Variants in UGT1A3 observed in about 807,000 individuals in gnomAD.
UGT1A3 encodes UDP glucuronosyltransferase family 1 member A3, also known as UDP-glucuronosyltransferase 1A3.
In UGT1A3, 31 loss-of-function variants were observed where a neutral mutation model predicts 41.0. That is an observed-to-expected ratio of 0.76 (90% CI 0.57 to 1.02). The LOEUF is 1.02. UGT1A3 is among the 50% of genes least tolerant of loss of function. The pLI is 0.00. For missense variants in UGT1A3, 737 were observed against 671.0 expected, an observed-to-expected ratio of 1.10 and a Z score of -1.09; for synonymous variants, 262 against 257.6, an observed-to-expected ratio of 1.02 and a Z score of -0.17.
chr2:233,746,887 A>T (rs765200684), intron 1 of UGT1A3, among the ~76,000 whole-genome samples: 2 of 151,818 alleles, frequency 1.3e-5, no homozygotes, highest in African/African-American at 2.4e-5. Flanking sequence ...ACAGAGAAGT[A>T]GGAGGCTGTG....
At chr2:233,759,599 A>ACCCCCCCCCCCCCCCC (rs1553620419) in intron 1 of UGT1A3, among the ~76,000 whole-genome samples, 4 of 108,738 alleles carry the variant, frequency 3.7e-5, no homozygotes, top group East Asian at 3.1e-4. Flanking sequence ...CCCACCCCCG[A>ACCCCCCCCCCCCCCCC]CCCGCCCCAC....
intron 1 of UGT1A3, chr2:233,756,116 T>G (rs939719556): frequency 6.6e-6 from 1 of 152,230 alleles, no homozygotes; most frequent in Non-Finnish European, 1.5e-5. Flanking sequence ...AGTTTTGACT[T>G]TGTAAAATTC....
At position 233,767,018 on chromosome 2, in the gene UGT1A3, T is replaced by G. The variant is rs1699309557; in HGVS notation, c.868-16T>G. ...TATGAGAAAAAATTAACTGAAAATT[T>G]TTCTTCTGGCTCTAGGAATTTGAAG... On this transcript the variant is annotated splice_polypyrimidine_tract_variant and intron_variant, in intron 1 of 4. Coordinates refer to ENST00000482026, the MANE Select transcript of UGT1A3 (RefSeq NM_019093.4). 1 of 1,613,912 alleles carries G rather than the reference T, an allele frequency of 6.2e-7. No individual in the cohort carries two copies. Among genetic ancestry groups the G allele is most frequent in the East Asian group, 2.2e-5 (1 of 44,862 alleles).
intron 1 of UGT1A3, chr2:233,755,182 A>C (rs1337694117): frequency 1.7e-5 from 20 of 1,204,654 alleles, no homozygotes; most frequent in Non-Finnish European, 1.7e-5. Context: ...TCGGGGTGCC[A>C]CTTGAGCGCC....
At chr2:233,772,010 G>A (rs538941446) in intron 4 of UGT1A3, among the ~76,000 whole-genome samples, 1 of 152,306 alleles carries the variant, frequency 6.6e-6, no homozygotes, top group Admixed American at 6.5e-5. Flanking sequence ...CTACTCTGGA[G>A]GCTGAGGCAG....
rs61764030 is a variant in UGT1A3, at chr2:233,729,599, C to G, written c.473C>G (p.Ala158Gly). The G allele has an allele frequency of 1.0e-4, 161 of 1,613,870 alleles. No homozygotes were observed. The highest frequency in any genetic ancestry group is 2.2e-4 in the Admixed American group (13 of 60,000). ...VVLTDPVNLC[A>G]AVLAKYLSIP... The stretch of plus-strand genomic sequence containing the variant: ...TTAACAGACCCCGTTAACCTCTGCG[C>G]GGCAGTGCTGGCTAAGTACCTGTCG... Residue 158 changes from alanine to glycine, a missense_variant, in exon 1 of 5, where the codon GCG becomes GGG. By Grantham distance (60) the Ala-to-Gly change is moderately conservative. Transcript: ENST00000482026.
chr2:233,771,661 T>C (rs899762223), intron 4 of UGT1A3: 2 of 152,426 alleles, frequency 1.3e-5, no homozygotes, highest in African/African-American at 4.8e-5. Context: ...TAATGAAATT[T>C]CTCACAAAAT....
chr2:233,733,678 C>G (rs2078428487), intron 1 of UGT1A3, among the ~76,000 whole-genome samples: 1 of 152,188 alleles, frequency 6.6e-6, no homozygotes, highest in Non-Finnish European at 1.5e-5. Flanking sequence ...TGTGGATAAA[C>G]TTTTTGATGT....
At chr2:233,757,812 T>G (rs772268398) in intron 1 of UGT1A3, among the ~76,000 whole-genome samples, 1 of 151,794 alleles carries the variant, frequency 6.6e-6, no homozygotes, top group Non-Finnish European at 1.5e-5. Flanking sequence ...TGAAAGGAGC[T>G]GGTAGTGTGT....
intron 1 of UGT1A3, among the ~76,000 whole-genome samples, chr2:233,759,233 GA>G (rs1406502603): frequency 6.6e-6 from 1 of 152,188 alleles, no homozygotes; most frequent in Non-Finnish European, 1.5e-5. Flanking sequence ...ATGAAGGATG[GA>G]AACTTGCTTA....
At chr2:233,737,974 T>C (rs1690646890) in intron 1 of UGT1A3, among the ~76,000 whole-genome samples, 1 of 152,114 alleles carries the variant, frequency 6.6e-6, no homozygotes, top group South Asian at 2.1e-4. Flanking sequence ...CTAGATTTAA[T>C]ATGGTTTGGC....
chr2:233,745,589 C>T (rs984719632), intron 1 of UGT1A3, among the ~76,000 whole-genome samples: 4 of 151,622 alleles, frequency 2.6e-5, no homozygotes, highest in East Asian at 1.9e-4. Flanking sequence ...ACCTGAGACC[C>T]GGACTTGGCA....
intron 1 of UGT1A3, chr2:233,743,548 C>T (rs61744897): frequency 1.5e-6 from 2 of 1,367,296 alleles, no homozygotes; most frequent in Non-Finnish European, 2.0e-6. Flanking sequence ...CTGACCCCCC[C>T]AAAATATTCT....
intron 1 of UGT1A3, chr2:233,756,414 T>G (rs1696206608): frequency 6.6e-6 from 1 of 152,212 alleles, no homozygotes; most frequent in African/African-American, 2.4e-5. Flanking sequence ...ATTTGTATTA[T>G]TTGTACTGTT....
rs778641747 is a variant in UGT1A3 at position 233,768,443 on chromosome 2, A to G, written c.1307+4A>G. 8.1e-6 allele frequency: 13 copies of G among 1,613,284 alleles called. No homozygotes were observed. In the South Asian group the frequency reaches 1.4e-4, roughly 18 times the overall value. On this transcript the variant is annotated splice_donor_region_variant and intron_variant, in intron 4 of 4. Transcript: ENST00000482026. Reference sequence around the variant, plus strand: ...AAGCAGTCATCAATGACAAAAGGTAAGAAAGAAGATACAGAAGAATACTTT... The same window carrying G: ...AAGCAGTCATCAATGACAAAAGGTAGGAAAGAAGATACAGAAGAATACTTT...
chr2:233,754,185 C>T (rs1296616460), intron 1 of UGT1A3: 1 of 159,682 alleles, frequency 6.3e-6, no homozygotes, highest in Non-Finnish European at 1.4e-5. Flanking sequence ...GATTTCACCA[C>T]CACACAGTAA....
Position 233,729,858 on chromosome 2 carries a change from A to G in UGT1A3, c.732A>G (p.Ser244=), listed in dbSNP as rs1450945508. Residue 244 remains serine (S), a synonymous_variant, in exon 1 of 5, where the codon TCA becomes TCG. Transcript: ENST00000482026. ...LASELFQREV[S]VVDILSHASV... is the part of the protein sequence containing the mutation. ...CTGAGCTTTTTCAGAGAGAGGTGTC[A>G]GTGGTGGATATTCTCAGTCATGCAT... is the stretch of plus-strand genomic sequence containing the variant. The G allele has an allele frequency of 6.2e-7, 1 of 1,613,820 alleles. No homozygotes were observed.
intron 4 of UGT1A3, 146 bp from the exon 5 acceptor site, chr2:233,772,116 A>C (rs1430946734): frequency 1.3e-6 from 2 of 1,531,304 alleles, no homozygotes; most frequent in Non-Finnish European, 1.8e-6. Flanking sequence ...CTGTATCTAA[A>C]AACAACAACA....
At chr2:233,761,518 T>C (rs780967719) in intron 1 of UGT1A3, among the ~76,000 whole-genome samples, 1 of 152,242 alleles carries the variant, frequency 6.6e-6, no homozygotes, top group African/African-American at 2.4e-5. Context: ...GCAGGCAATG[T>C]TCAGGACTGA....
Sources: allele counts gnomAD v4.1 joint callset (sites outside exome capture counted in the v4.1 genomes callset), GRCh38; gene constraint gnomAD v4.1.1; transcripts MANE v1.5; gene names NCBI Gene and HGNC (gene_info 2026-07-23, HGNC 2026-07-21).